ZIC4: variants seen among roughly 807,000 people sequenced by gnomAD.
The protein encoded by ZIC4 is Zic family zinc finger 4.
Under a neutral mutation model 28.8 loss-of-function variants are expected in ZIC4, and 15 were observed. That is an observed-to-expected ratio of 0.52 (90% CI 0.35 to 0.80). The LOEUF (loss-of-function observed/expected upper bound fraction) is 0.80, where lower values mean the gene tolerates loss of function less well. ZIC4 is among the 30% of genes least tolerant of loss of function. The probability of loss-of-function intolerance (pLI) is 0.01; values close to 1 mark genes in which losing one functional copy is unlikely to be tolerated. For synonymous variants in ZIC4, 220 were observed against 198.1 expected (o/e 1.11, Z -0.93); for missense variants, 512 against 467.1 (o/e 1.10, Z -0.89).
intron 2 of ZIC4, among the ~76,000 whole-genome samples, chr3:147,397,613 G>C (rs919462172): frequency 6.6e-6 from 1 of 152,054 alleles, no homozygotes; most frequent in South Asian, 2.1e-4. Flanking sequence ...AGCATTGCGG[G>C]ACCTCAGTCG....
At chr3:147,394,904 C>G (rs1470144630) in intron 3 of ZIC4, among the ~76,000 whole-genome samples, 5 of 152,118 alleles carry the variant, frequency 3.3e-5, no homozygotes, top group African/African-American at 4.8e-5. Flanking sequence ...GGCAAGGCAC[C>G]GGGCAGTAGG....
chr3:147,401,075 A>C (rs908798421), intron 2 of ZIC4, among the ~76,000 whole-genome samples: 18 of 152,224 alleles, frequency 1.2e-4, no homozygotes, highest in Non-Finnish European at 2.4e-4. Flanking sequence ...TATTTGGAGC[A>C]TATTCCACCA....
chr3:147,392,322 C>A (rs1228760451), intron 3 of ZIC4: 7 of 985,564 alleles, frequency 7.1e-6, no homozygotes, highest in Non-Finnish European at 8.4e-6. Flanking sequence ...CGGGGAGGGG[C>A]TGGGATCGGT....
Position 147,396,174 on chromosome 3 carries a change from C to A in ZIC4, c.366G>T (p.Gln122His), listed in dbSNP as rs375992684. ...GPGAFFRYMR[Q>H]PIKQELICKW... ...TGCAGATGAGCTCCTGTTTGATGGG[C>A]TGGCGCATGTAGCGGAAGAAAGCGC... is the stretch of plus-strand genomic sequence containing the variant. The change falls in exon 3 of 5, where the codon CAG becomes CAT. Residue 122 changes from glutamine (Q) to histidine (H), a missense_variant. Physicochemically the swap from Gln to His is conservative, Grantham distance 24. This residue lies in a region of ZIC4 where 310 missense variants were observed against 256.5 expected (regional missense o/e 1.21). Coordinates refer to ENST00000383075, the MANE Select transcript of ZIC4 (RefSeq NM_032153.6). The surrounding 1 kb of genome is among the most constrained non-coding windows in gnomAD (Gnocchi z 4.2). 6.2e-7 allele frequency: 1 copy of A among 1,614,138 alleles called. No homozygotes were observed. The highest frequency in any genetic ancestry group is 8.5e-7 in the Non-Finnish European group (1 of 1,180,018).
intron 1 of ZIC4, chr3:147,404,407 C>G: frequency 1.6e-6 from 1 of 628,128 alleles, no homozygotes; most frequent in South Asian, 6.0e-5. Flanking sequence ...TTCCATCACA[C>G]AGCCTACACA....
intron 1 of ZIC4, chr3:147,404,204 T>A: frequency 1.4e-6 from 2 of 1,477,898 alleles, no homozygotes; most frequent in South Asian, 2.8e-5. Context: ...CTGGGGGAAA[T>A]GGGTGTGAGG....
chr3:147,396,019 A>G lies in ZIC4; in HGVS notation c.521T>C (p.Phe174Ser). 1 of 1,614,246 alleles carries G rather than the reference A, an allele frequency of 6.2e-7. No individual in the cohort carries two copies. The highest frequency in any genetic ancestry group is 8.5e-7 in the Non-Finnish European group (1 of 1,180,056). The change falls in exon 3 of 5, where the codon TTC (phenylalanine) becomes TCC (serine). Residue 174 changes from phenylalanine (F) to serine (S), a missense_variant. Phe to Ser is a radical substitution (Grantham distance 155). This residue lies in a region of ZIC4 where 310 missense variants were observed against 256.5 expected (regional missense o/e 1.21). Transcript: ENST00000383075. The surrounding 1 kb of genome is among the most constrained non-coding windows in gnomAD (Gnocchi z 4.2). ...TCCCTGGCGCGGACACTCCTCCCAG[A>G]AGCAAATGTGGTTGGCCTGTTCCGG... ...GGPEQANHIC[F>S]WEECPRQGKP...
rs371666201 is a variant in ZIC4, at chr3:147,391,931, C to A, written c.689-685G>T. On this transcript the variant is annotated intron_variant, in intron 3 of 4. Coordinates refer to ENST00000383075, the MANE Select transcript of ZIC4 (RefSeq NM_032153.6). Reference sequence around the variant, plus strand: ...GCCCCCTCCCTCTTTCCTTCTACCCCCTGAGGGCAAACATTTAGCAGCATT... The same window carrying A: ...GCCCCCTCCCTCTTTCCTTCTACCCACTGAGGGCAAACATTTAGCAGCATT... The A allele has an allele frequency of 1.8e-5, 18 of 982,088 alleles. No individual in the cohort carries two copies. In the South Asian group the frequency reaches 7.1e-4, roughly 39 times the overall value. 60.8% of individuals were successfully genotyped at this position (982,088 alleles called of 1,614,324 possible).
At chr3:147,390,189 C>A (rs891215546) in intron 4 of ZIC4, among the ~76,000 whole-genome samples, 1 of 152,180 alleles carries the variant, frequency 6.6e-6, no homozygotes, top group Non-Finnish European at 1.5e-5. Flanking sequence ...CACCCACCCC[C>A]TGCTGAAAAG....
chr3:147,390,930 C>A lies in ZIC4; in HGVS notation c.1004+1G>T. 6.2e-7 allele frequency: 1 copy of A among 1,606,914 alleles called. No homozygotes were observed. Among genetic ancestry groups the A allele is most frequent in the East Asian group, 2.2e-5 (1 of 44,766 alleles). On this transcript the variant is annotated splice_donor_variant, in intron 4 of 4. Coordinates refer to ENST00000383075, the MANE Select transcript of ZIC4 (RefSeq NM_032153.6). LOFTEE classifies it high-confidence loss of function. The stretch of plus-strand genomic sequence containing the variant: ...TGGGGCCCAAGCCCTGACACACGTA[C>A]CATTCGCTCAAGTCGGCGGTACGCG...
rs1311603915 is a variant in ZIC4, at chr3:147,388,729, A to G, written c.*130T>C. 5 of 692,998 alleles carry G rather than the reference A, an allele frequency of 7.2e-6. No individual in the cohort carries two copies. The Admixed American group carries it at 1.2e-4, about 16-fold the overall frequency. 42.9% of individuals were successfully genotyped at this position (692,998 alleles called of 1,614,324 possible). ...ACTTGCACATTGCCATAGAAATCCT[A>G]ACTTACCATGAAGATGCACCGTGGC... On this transcript the variant is annotated 3_prime_UTR_variant, in exon 5 of 5. Coordinates refer to ENST00000383075, the MANE Select transcript of ZIC4 (RefSeq NM_032153.6).
Position 147,396,842 on chromosome 3 carries a change from T to G in ZIC4, c.71-373A>C. On this transcript the variant is annotated intron_variant, in intron 2 of 4. Transcript: ENST00000383075. This position sits in a 1 kb window ranked among gnomAD's most constrained non-coding sequence, Gnocchi z 4.2. The stretch of plus-strand genomic sequence containing the variant: ...TTTGGCGGCTAACACCCCGGGGCTC[T>G]CCGGGGCACGATGCCCTGCGGGGAG... The G allele has an allele frequency of 5.2e-6, 1 of 192,042 alleles. No homozygotes were observed. The highest frequency in any genetic ancestry group is 1.1e-5 in the Non-Finnish European group (1 of 94,420). The allele number at this position is 192,042 out of a possible 1,614,324, so 11.9% of individuals were successfully genotyped here.
Position 147,396,445 on chromosome 3 carries a change from G to T in ZIC4, c.95C>A (p.Pro32His), listed in dbSNP as rs774488083. ...GGGGCTGGAGGCGGCGGTGAGCTGGGGGCCATGGTGTCCAGAGCTGCTACC... is the reference window on the plus strand; with the variant it reads ...GGGGCTGGAGGCGGCGGTGAGCTGGTGGCCATGGTGTCCAGAGCTGCTACC... ...ESSSSSGHHG[P>H]QLTAASSPSV... Residue 32 changes from proline to histidine, a missense_variant, in exon 3 of 5, where the codon CCC becomes CAC. Coordinates refer to ENST00000383075, the MANE Select transcript of ZIC4 (RefSeq NM_032153.6). The surrounding 1 kb of genome is among the most constrained non-coding windows in gnomAD (Gnocchi z 4.2). 1.3e-6 allele frequency: 2 copies of T among 1,519,716 alleles called. No homozygotes were observed. Among genetic ancestry groups the T allele is most frequent in the Non-Finnish European group, 8.8e-7 (1 of 1,137,944 alleles). The allele number at this position is 1,519,716 out of a possible 1,614,324, so 94.1% of individuals were successfully genotyped here.
chr3:147,395,676 C>G (rs138237508), intron 3 of ZIC4, among the ~76,000 whole-genome samples, 176 bp downstream of exon 3: 254 of 152,260 alleles, frequency 1.7e-3, no homozygotes, highest in African/African-American at 5.8e-3. Context: ...ACACAGCCTC[C>G]GGAAACTTCT....
At chr3:147,402,411 G>A (rs771579902) in intron 2 of ZIC4, among the ~76,000 whole-genome samples, 4 of 152,162 alleles carry the variant, frequency 2.6e-5, no homozygotes, top group East Asian at 1.9e-4. Flanking sequence ...ACAGAATAAC[G>A]TGACAGTGGA....
chr3:147,400,548 G>C (rs1373425702), intron 2 of ZIC4, among the ~76,000 whole-genome samples: 2 of 152,180 alleles, frequency 1.3e-5, no homozygotes, highest in Admixed American at 1.3e-4. Context: ...CCTGATCTTT[G>C]CAAGTTCCTT....
chr3:147,393,608 A>C, intron 3 of ZIC4: 1 of 282,244 alleles, frequency 3.5e-6, no homozygotes, highest in Middle Eastern at 1.3e-3. Flanking sequence ...CGCCGAACAA[A>C]GTTCGGAAGC....
intron 2 of ZIC4, among the ~76,000 whole-genome samples, chr3:147,399,663 ATTT>A (rs34229132): frequency 1.6e-5 from 2 of 128,012 alleles, no homozygotes. Context: ...AAAAACACGG[ATTT>A]TTTTTTTTTT....
chr3:147,400,494 C>T (rs1415977270), intron 2 of ZIC4, among the ~76,000 whole-genome samples: 1 of 152,188 alleles, frequency 6.6e-6, no homozygotes, highest in East Asian at 1.9e-4. Context: ...CTTCTTCTTG[C>T]TTGAGTAGCC....
Sources: gnomAD v4.1 joint callset for allele counts (sites outside exome capture counted in the v4.1 genomes callset) on GRCh38, gnomAD v4.1.1 for gene constraint, gnomAD v4.1.1 regional missense constraint, Gnocchi (gnomAD v3.1) non-coding constraint, MANE v1.5 for transcripts, NCBI Gene and HGNC (gene_info 2026-07-23, HGNC 2026-07-21) for gene names.